Variants in FSD2 observed in about 807,000 individuals in gnomAD.
FSD2 encodes fibronectin type III and SPRY domain containing 2, also known as fibronectin type III and SPRY domain-containing protein 2.
A neutral mutation model predicts 80.4 loss-of-function variants in FSD2; 71 were observed. The ratio of observed to expected loss-of-function variants is 0.88; its 90% CI spans 0.73 to 1.08. FSD2 has a LOEUF of 1.08. FSD2 is among the 50% of genes least tolerant of loss of function. The pLI, the probability that FSD2 is intolerant of heterozygous loss-of-function variation, is 0.00. For synonymous variants in FSD2, 361 were observed against 329.5 expected (o/e 1.10, Z -1.03); for missense variants, 923 against 913.8 (o/e 1.01, Z -0.13).
chr15:82,783,334 A>G (rs1381835651), intron 3 of FSD2, among the ~76,000 whole-genome samples: 3 of 152,160 alleles, frequency 2.0e-5, no homozygotes, highest in African/African-American at 7.2e-5. Context: ...CCTGACCTCA[A>G]GTGATCCGCC....
chr15:82,795,327 T>C (rs2050239016), intron 1 of FSD2, among the ~76,000 whole-genome samples: 2 of 152,180 alleles, frequency 1.3e-5, no homozygotes, highest in Non-Finnish European at 2.9e-5. Flanking sequence ...GCTATGATTT[T>C]TTTTTCCATA....
At chr15:82,803,165 GCA>G (rs1263604394) in intron 1 of FSD2, among the ~76,000 whole-genome samples, 1 of 152,006 alleles carries the variant, frequency 6.6e-6, no homozygotes, top group Non-Finnish European at 1.5e-5. Flanking sequence ...CCTTCCTAAA[GCA>G]CAGAGTCTGT....
chr15:82,799,665 G>A (rs1338850492), intron 1 of FSD2, among the ~76,000 whole-genome samples: 2 of 152,062 alleles, frequency 1.3e-5, no homozygotes, highest in Non-Finnish European at 2.9e-5. Context: ...TCACCTCCAC[G>A]GCAGCCCCTG....
intron 1 of FSD2, among the ~76,000 whole-genome samples, chr15:82,801,419 C>G (rs2050410084): frequency 6.6e-6 from 1 of 152,186 alleles, no homozygotes; most frequent in African/African-American, 2.4e-5. Flanking sequence ...CAAGAACCAA[C>G]CAGCCTTCTC....
intron 6 of FSD2, among the ~76,000 whole-genome samples, chr15:82,772,673 T>C (rs1468113984): frequency 1.3e-5 from 2 of 152,204 alleles, no homozygotes; most frequent in Admixed American, 1.3e-4. Flanking sequence ...CCCACATTAA[T>C]GAGAGAAGAT....
Position 82,791,234 on chromosome 15 carries a change from G to T in FSD2, c.-78-3766C>A, listed in dbSNP as rs569205632. Among the ~76,000 whole-genome samples the T allele has an allele frequency of 3.3e-5, 5 of 152,194 alleles. No individual in the cohort carries two copies. The East Asian group carries it at 9.7e-4, about 29-fold the overall frequency. On this transcript the variant is annotated intron_variant, in intron 1 of 12. Coordinates refer to ENST00000334574, the MANE Select transcript of FSD2 (RefSeq NM_001007122.4). ...AGGATGGTCTCGATCTCCTGACCTT[G>T]TGGTCCGCCCGTCTCGGCCTCCCAA...
At position 82,760,096 on chromosome 15, in the gene FSD2, A is replaced by G. The variant is rs1240280023; in HGVS notation, c.1998-496T>C. Among the ~76,000 whole-genome samples, 7 of 152,218 alleles carry G rather than the reference A, an allele frequency of 4.6e-5. 1 individual carries two copies. The highest frequency in any genetic ancestry group is 4.6e-4 in the Admixed American group (7 of 15,278). Reference sequence around the variant, plus strand: ...AGTGTGAGCCACTGCTTCTGGCCGAAACATTTTTCAAACATCATTTTTTCT... The same window carrying G: ...AGTGTGAGCCACTGCTTCTGGCCGAGACATTTTTCAAACATCATTTTTTCT... On this transcript the variant is annotated intron_variant, in intron 12 of 12. Transcript: ENST00000334574.
In FSD2 at chr15:82,783,003, T is replaced by C. The variant is rs749736725; in HGVS notation, c.758A>G (p.Gln253Arg). The C allele has an allele frequency of 7.4e-6, 12 of 1,611,978 alleles. No homozygotes were observed. The highest frequency in any genetic ancestry group is 4.0e-5 in the African/African-American group (3 of 74,690). The stretch of plus-strand genomic sequence containing the variant: ...CTCGTTGTAATGTGACTCAAAGTTT[T>C]GTTCTTGTTTTCCAAAATTCTCCTG... ...TVEENFGKQE[Q>R]NFESHYNEIL... Residue 253 changes from glutamine to arginine, a missense_variant, in exon 4 of 13, where the codon CAA becomes CGA. Coordinates refer to ENST00000334574, the MANE Select transcript of FSD2 (RefSeq NM_001007122.4).
chr15:82,776,395 A>C (rs891992698), intron 6 of FSD2, among the ~76,000 whole-genome samples: 1 of 152,190 alleles, frequency 6.6e-6, no homozygotes, highest in African/African-American at 2.4e-5. Context: ...GGAGAATGTT[A>C]CATGTGTGCT....
intron 2 of FSD2, 33 bp from the exon 3 acceptor site, chr15:82,786,639 A>C (rs1473363802): frequency 6.2e-7 from 1 of 1,602,660 alleles, no homozygotes; most frequent in African/African-American, 1.3e-5. Flanking sequence ...GAAGGTATTA[A>C]TGTTACATCT....
chr15:82,804,811 T>G (rs2050491265), intron 1 of FSD2, among the ~76,000 whole-genome samples: 1 of 152,178 alleles, frequency 6.6e-6, no homozygotes, highest in South Asian at 2.1e-4. Context: ...CACAAAGTGG[T>G]CTCAACACAA....
chr15:82,798,873 GTTTTGTTTTTTTTT>G (rs1203425807), intron 1 of FSD2, among the ~76,000 whole-genome samples: 1 of 111,472 alleles, frequency 9.0e-6, no homozygotes, highest in Non-Finnish European at 1.7e-5. Flanking sequence ...TATCTCCACT[GTTTTGTTTTTTTTT>G]TTTTTTTTGA....
At chr15:82,773,262 A>C (rs1355217937) in intron 6 of FSD2, among the ~76,000 whole-genome samples, 2 of 152,188 alleles carry the variant, frequency 1.3e-5, no homozygotes, top group African/African-American at 4.8e-5. Flanking sequence ...AACTTAAAGG[A>C]GTTGACTTAG....
intron 1 of FSD2, among the ~76,000 whole-genome samples, chr15:82,800,127 GAGA>G (rs1407372621): frequency 3.3e-5 from 5 of 152,144 alleles, no homozygotes; most frequent in East Asian, 1.9e-4. Context: ...TGCGTCCTCA[GAGA>G]AGAACTCTGT....
At chr15:82,793,138 C>T (rs1301185753) in intron 1 of FSD2, among the ~76,000 whole-genome samples, 4 of 152,096 alleles carry the variant, frequency 2.6e-5, no homozygotes, top group Non-Finnish European at 5.9e-5. Context: ...CTCTGTCACC[C>T]AGGCTGGAGT....
intron 6 of FSD2, among the ~76,000 whole-genome samples, chr15:82,778,270 A>C (rs1309267945): frequency 6.6e-6 from 1 of 151,580 alleles, no homozygotes; most frequent in Non-Finnish European, 1.5e-5. Flanking sequence ...ACAATAACCA[A>C]GACATGGAAA....
chr15:82,761,767 C>G (rs2049302017), intron 12 of FSD2, among the ~76,000 whole-genome samples: 1 of 151,676 alleles, frequency 6.6e-6, no homozygotes, highest in South Asian at 2.1e-4. Flanking sequence ...ACTCCTACCT[C>G]ACTCTCCTGA....
intron 12 of FSD2, among the ~76,000 whole-genome samples, 200 bp from the exon 13 acceptor site, chr15:82,759,800 CT>C (rs372309637): frequency 1.0e-3 from 150 of 146,476 alleles, no homozygotes; most frequent in Middle Eastern, 3.5e-3. Context: ...GAAACATTTT[CT>C]TTTTTTTTTT....
chr15:82,759,942 C>T (rs1404050046), intron 12 of FSD2, among the ~76,000 whole-genome samples: 1 of 150,858 alleles, frequency 6.6e-6, no homozygotes, highest in Non-Finnish European at 1.5e-5. Flanking sequence ...TACAGGCGTG[C>T]ACCACCAAGC....
Sources: gnomAD v4.1 joint callset for allele counts (sites outside exome capture counted in the v4.1 genomes callset) on GRCh38, gnomAD v4.1.1 for gene constraint, MANE v1.5 for transcripts, NCBI Gene and HGNC (gene_info 2026-07-23, HGNC 2026-07-21) for gene names.